The following SLC22A13 variants were observed in gnomAD, a reference collection of about 807,000 sequenced individuals.
SLC22A13 encodes the protein solute carrier family 22 member 13.
In SLC22A13, 42 loss-of-function variants were observed where a neutral mutation model predicts 49.1. The ratio of observed to expected loss-of-function variants is 0.85; its 90% CI spans 0.67 to 1.11. SLC22A13 has a LOEUF of 1.11. Ranked by LOEUF, SLC22A13 falls within the 50% of genes least tolerant of loss-of-function variation. The probability of loss-of-function intolerance (pLI) is 0.00; values close to 1 mark genes in which losing one functional copy is unlikely to be tolerated. For missense variants in SLC22A13, 694 were observed against 712.8 expected, an observed-to-expected ratio of 0.97 and a Z score of 0.30; for synonymous variants, 282 against 293.1, an observed-to-expected ratio of 0.96 and a Z score of 0.39.
intron 1 of SLC22A13, chr3:38,270,775 A>G: frequency 6.3e-6 from 1 of 158,560 alleles, no homozygotes. Flanking sequence ...CATTGCTGAA[A>G]TAGTTTTGTA....
At chr3:38,269,899 G>T (rs1418519617) in intron 1 of SLC22A13, among the ~76,000 whole-genome samples, 1 of 124,824 alleles carries the variant, frequency 8.0e-6, no homozygotes, top group Non-Finnish European at 1.6e-5. Flanking sequence ...CCCAGAGTGT[G>T]ATGTTCCCCT....
intron 1 of SLC22A13, among the ~76,000 whole-genome samples, chr3:38,271,699 C>G (rs995462905): frequency 1.4e-4 from 22 of 152,124 alleles, no homozygotes; most frequent in African/African-American, 5.3e-4. Flanking sequence ...GAAAGAACAA[C>G]CATTTCTGGG....
At chr3:38,269,010 C>T (rs1703491703) in intron 1 of SLC22A13, among the ~76,000 whole-genome samples, 1 of 152,054 alleles carries the variant, frequency 6.6e-6, no homozygotes, top group Non-Finnish European at 1.5e-5. Flanking sequence ...TCGAGGGGAA[C>T]CAAGGAGCAG....
chr3:38,274,496 A>T, intron 2 of SLC22A13, 108 bp from the exon 3 acceptor site: 3 of 1,447,600 alleles, frequency 2.1e-6, no homozygotes, highest in Non-Finnish European at 2.9e-6. Flanking sequence ...CCTACCCTCA[A>T]ATGGGGCTCA....
chr3:38,269,904 TC>T (rs1235744794), intron 1 of SLC22A13, among the ~76,000 whole-genome samples: 1 of 127,480 alleles, frequency 7.8e-6, no homozygotes, highest in Non-Finnish European at 1.6e-5. Context: ...AGTGTGATGT[TC>T]CCCTTCCTGT....
rs753640627 is a variant in SLC22A13 at position 38,274,598 on chromosome 3, C to T, written c.483-6C>T. On this transcript the variant is annotated splice_region_variant and splice_polypyrimidine_tract_variant and intron_variant, in intron 2 of 9. Coordinates refer to ENST00000311856, the MANE Select transcript of SLC22A13 (RefSeq NM_004256.4). ...CCCTCCCCACAGACCTGCCCTGTTT[C>T]CTCAGGATTGGCCGCAAGGCCACAA... 4 of 1,612,872 alleles carry T rather than the reference C, an allele frequency of 2.5e-6. No individual in the cohort carries two copies. Among genetic ancestry groups the T allele is most frequent in the East Asian group, 2.2e-5 (1 of 44,884 alleles).
Position 38,275,985 on chromosome 3 carries a change from GC to G in SLC22A13, c.1129del (p.Arg377AlafsTer7). ...CATCTTTGGAGCTGTTGAGGTGCCT[GC>G]CCGCTGTTCCAGCATCTTCATGATG... is the stretch of plus-strand genomic sequence containing the variant. ...QLIFGAVEVP[A>X]RCSSIFMMQR... On this transcript the variant is annotated frameshift_variant, in exon 7 of 10. Transcript: ENST00000311856. LOFTEE classifies it high-confidence loss of function. 1.2e-6 allele frequency: 2 copies of G among 1,614,202 alleles called. No individual in the cohort carries two copies. The highest frequency in any genetic ancestry group is 1.7e-6 in the Non-Finnish European group (2 of 1,180,020).
Position 38,276,947 on chromosome 3 carries a change from G to A in SLC22A13, c.1382G>A (p.Arg461Gln), listed in dbSNP as rs746160980. 2.7e-5 allele frequency: 44 copies of A among 1,613,886 alleles called. No individual in the cohort carries two copies. In the East Asian group the frequency reaches 4.9e-4, roughly 18 times the overall value. ...ATGGGGCTGGTGGGCATCTTCTCAC[G>A]GATCGGGGGCATCCTCACACCACTT... Reference protein sequence around the residue: ...TGMGLVGIFSRIGGILTPLVI... With the variant: ...TGMGLVGIFSQIGGILTPLVI... The change falls in exon 9 of 10, where the codon CGG becomes CAG. Residue 461 changes from arginine (R) to glutamine (Q), a missense_variant. Coordinates refer to ENST00000311856, the MANE Select transcript of SLC22A13 (RefSeq NM_004256.4).
In SLC22A13 at chr3:38,275,880, AG is replaced by A. The variant is rs772063341; in HGVS notation, c.1023del. 1.2e-6 allele frequency: 2 copies of A among 1,613,390 alleles called. No individual in the cohort carries two copies. The highest frequency in any genetic ancestry group is 4.5e-5 in the East Asian group (2 of 44,860). On this transcript the variant is annotated splice_acceptor_variant, in intron 6 of 9. Transcript: ENST00000311856. LOFTEE classifies it high-confidence loss of function. ...TGACAGGAACCCTTCATTACCTTGT[AG>A]GTTTGTGGACAGTCTGGGGTACTAC...
intron 1 of SLC22A13, among the ~76,000 whole-genome samples, chr3:38,272,112 G>A (rs1417108463): frequency 2.0e-5 from 3 of 152,226 alleles, no homozygotes; most frequent in African/African-American, 7.2e-5. Flanking sequence ...GGAATGATAA[G>A]CCATTATGGG....
intron 4 of SLC22A13, 50 bp from the exon 5 acceptor site, chr3:38,275,320 A>G: frequency 6.2e-7 from 1 of 1,609,512 alleles, no homozygotes; most frequent in Non-Finnish European, 8.5e-7. Context: ...CAAGCTGGAA[A>G]GCTCCCTAGG....
At chr3:38,268,965 CAAAAA>C (rs918074997) in intron 1 of SLC22A13, among the ~76,000 whole-genome samples, 1 of 150,420 alleles carries the variant, frequency 6.6e-6, no homozygotes, top group African/African-American at 2.5e-5. Context: ...AACAAACAAA[CAAAAA>C]AAACAGCATT....
Position 38,276,368 on chromosome 3 carries a change from C to G in SLC22A13, c.1319C>G (p.Ser440Cys). 6.2e-7 allele frequency: 1 copy of G among 1,612,770 alleles called. No individual in the cohort carries two copies. The highest frequency in any genetic ancestry group is 1.1e-5 in the South Asian group (1 of 90,974). ...GCCTTTACCATCTCCTATGTGTACT[C>G]TGCCGAGCTTTTCCCCACCATCCTC... ...AAAFTISYVY[S>C]AELFPTILRQ... The change falls in exon 8 of 10, where the codon TCT (serine) becomes TGT (cysteine). Residue 440 changes from serine (S) to cysteine (C), a missense_variant. Coordinates refer to ENST00000311856, the MANE Select transcript of SLC22A13 (RefSeq NM_004256.4).
chr3:38,269,845 T>A (rs1039224012), intron 1 of SLC22A13, among the ~76,000 whole-genome samples: 9 of 151,592 alleles, frequency 5.9e-5, no homozygotes, highest in Admixed American at 1.3e-4. Context: ...TAGGTATATC[T>A]CCTACAGCTA....
In SLC22A13 at chr3:38,274,674, G is replaced by C; in HGVS notation, c.553G>C (p.Val185Leu). 1 of 1,614,166 alleles carries C rather than the reference G, an allele frequency of 6.2e-7. No individual in the cohort carries two copies. ...FTLIGLATAF[V>L]PSFELYMALR... ...CCTCATCGGCCTGGCCACAGCTTTT[G>C]TGCCCAGCTTTGAGCTCTACATGGC... The change falls in exon 3 of 10, where the codon GTG becomes CTG. Residue 185 changes from valine (V) to leucine (L), a missense_variant. Transcript: ENST00000311856.
rs73825505 is a variant in SLC22A13, at chr3:38,274,589, G to T, written c.483-15G>T. The T allele has an allele frequency of 2.2e-4, 358 of 1,612,126 alleles. No individual in the cohort carries two copies. The African/African-American group carries it at 4.3e-3, about 20-fold the overall frequency. On this transcript the variant is annotated splice_polypyrimidine_tract_variant and intron_variant, in intron 2 of 9. Transcript: ENST00000311856. ...CGGGAGGGACCCTCCCCACAGACCTGCCCTGTTTCCTCAGGATTGGCCGCA... is the reference window on the plus strand; with the variant it reads ...CGGGAGGGACCCTCCCCACAGACCTTCCCTGTTTCCTCAGGATTGGCCGCA...
At chr3:38,274,795 TG>T in intron 3 of SLC22A13, 37 bp downstream of exon 3, 1 of 1,592,868 alleles carries the variant, frequency 6.3e-7, no homozygotes, top group Non-Finnish European at 8.6e-7. Flanking sequence ...AGCCATAGGG[TG>T]AGGCCCAGGG....
intron 7 of SLC22A13, 32 bp downstream of exon 7, chr3:38,276,128 C>G (rs1418434185): frequency 6.3e-7 from 1 of 1,579,468 alleles, no homozygotes; most frequent in Non-Finnish European, 8.7e-7. Flanking sequence ...CACCCGCATG[C>G]CCCCTCACCC....
At chr3:38,273,173 C>T (rs1324566318) in intron 1 of SLC22A13, among the ~76,000 whole-genome samples, 1 of 152,172 alleles carries the variant, frequency 6.6e-6, no homozygotes, top group South Asian at 2.1e-4. Context: ...CATGGCGGGA[C>T]TCCCTAAGGG....
Sources: allele counts gnomAD v4.1 joint callset (sites outside exome capture counted in the v4.1 genomes callset), GRCh38; gene constraint gnomAD v4.1.1; transcripts MANE v1.5; gene names NCBI Gene and HGNC (gene_info 2026-07-23, HGNC 2026-07-21).